CARMIL2: variants seen among roughly 807,000 people sequenced by gnomAD.
CARMIL2 encodes the protein capping protein regulator and myosin 1 linker 2, also known as capping protein, Arp2/3 and myosin-I linker protein 2.
A neutral mutation model predicts 173.3 loss-of-function variants in CARMIL2; 96 were observed. That is an observed-to-expected ratio of 0.55 (90% confidence interval 0.47 to 0.66). CARMIL2 has a LOEUF of 0.66. Among genes scored for constraint, CARMIL2 ranks in the 30% least tolerant of loss-of-function variants. The pLI is 0.00. For missense variants in CARMIL2, 1,771 were observed against 1,906.7 expected, an observed-to-expected ratio of 0.93 and a Z score of 1.33; for synonymous variants, 830 against 817.1, an observed-to-expected ratio of 1.02 and a Z score of -0.27.
At position 67,652,549 on chromosome 16, in the gene CARMIL2, G is replaced by A. The variant is rs376044691; in HGVS notation, c.2884+11G>A. On this transcript the variant is annotated intron_variant, in intron 28 of 37. Transcript: ENST00000334583. The surrounding 1 kb of genome is among the most constrained non-coding windows in gnomAD (Gnocchi z 4.7). The stretch of plus-strand genomic sequence containing the variant: ...TCCCCTTCATTCACAGTAAGTCAGG[G>A]CCTTGGGGGAGGGAGTTTACGTGGG... 2.7e-5 allele frequency: 44 copies of A among 1,612,756 alleles called. No individual in the cohort carries two copies. The African/African-American group carries it at 5.2e-4, about 19-fold the overall frequency.
chr16:67,654,664 A>C lies in CARMIL2; in HGVS notation c.3554A>C (p.Glu1185Ala), dbSNP rs200875393. 1.5e-3 allele frequency: 2,418 copies of C among 1,586,144 alleles called. 9 individuals carry two copies. Among genetic ancestry groups the C allele is most frequent in the South Asian group, 3.7e-3 (323 of 87,264 alleles). Residue 1185 changes from glutamate (E) to alanine (A), a missense_variant, in exon 31 of 38, where the codon GAG (glutamate) becomes GCG (alanine). Glu to Ala is a moderately radical substitution (Grantham distance 107). Transcript: ENST00000334583. The stretch of plus-strand genomic sequence containing the variant: ...ATGATACTGCTGCCTGCCGAGGAGG[A>C]GGCAACGCTGGGTGCCAGACCCGAC... The part of the protein sequence containing the change: ...YSMILLPAEE[E>A]ATLGARPDKR...
Position 67,646,708 on chromosome 16 carries a change from C to T in CARMIL2, c.467-6C>T. 6.2e-7 allele frequency: 1 copy of T among 1,613,926 alleles called. No individual in the cohort carries two copies. The highest frequency in any genetic ancestry group is 8.5e-7 in the Non-Finnish European group (1 of 1,179,806). On this transcript the variant is annotated splice_polypyrimidine_tract_variant and splice_region_variant and intron_variant, in intron 6 of 37. Transcript: ENST00000334583. This position sits in a 1 kb window ranked among gnomAD's most constrained non-coding sequence, Gnocchi z 4.6. The stretch of plus-strand genomic sequence containing the variant: ...TTTCCACATCGCACCCCTATCCCCT[C>T]CCCAGGTGGCTTCTTGGAGACATAC...
chr16:67,649,656 G>T lies in CARMIL2; in HGVS notation c.1919+37G>T, dbSNP rs755055465. The T allele has an allele frequency of 8.9e-6, 14 of 1,565,390 alleles. No individual in the cohort carries two copies. In the South Asian group the frequency reaches 1.5e-4, roughly 17 times the overall value. ...CAGAGGGGTGGGACCAGCGGGCAGG[G>T]GGCGCGGTGGAGAGGAGGGCACCGG... On this transcript the variant is annotated intron_variant, in intron 20 of 37. Coordinates refer to ENST00000334583, the MANE Select transcript of CARMIL2 (RefSeq NM_001013838.3). This position sits in a 1 kb window ranked among gnomAD's most constrained non-coding sequence, Gnocchi z 6.7.
Position 67,645,601 on chromosome 16 carries a change from C to T in CARMIL2, c.102C>T (p.Pro34=), listed in dbSNP as rs572633840. Residue 34 remains proline (P), a synonymous_variant, in exon 2 of 38, where the codon CCC becomes CCT. Coordinates refer to ENST00000334583, the MANE Select transcript of CARMIL2 (RefSeq NM_001013838.3). ...EVELLLKTWL[P]GEGAVQNHVL... is the part of the protein sequence containing the mutation. ...AGCTGCTGCTGAAAACCTGGCTACC[C>T]GGGGAGGGTGCTGTGCAAAACCATG... 4.3e-6 allele frequency: 7 copies of T among 1,613,382 alleles called. No homozygotes were observed. In the South Asian group the frequency reaches 5.5e-5, roughly 13 times the overall value.
In CARMIL2 at chr16:67,652,084, C is replaced by G. The variant is rs1039833309; in HGVS notation, c.2676+76C>G. 3 of 1,602,278 alleles carry G rather than the reference C, an allele frequency of 1.9e-6. No individual in the cohort carries two copies. Among genetic ancestry groups the G allele is most frequent in the Middle Eastern group, 3.3e-4 (2 of 6,026 alleles). Reference sequence around the variant, plus strand: ...CTTGGCCATCTCCCTTGCAGGGGCTCTGTAATGTCTTCTGGGGTCATGTAG... The same window carrying G: ...CTTGGCCATCTCCCTTGCAGGGGCTGTGTAATGTCTTCTGGGGTCATGTAG... On this transcript the variant is annotated intron_variant, in intron 26 of 37. Transcript: ENST00000334583. The surrounding 1 kb of genome is among the most constrained non-coding windows in gnomAD (Gnocchi z 4.7).
chr16:67,656,776 C>T (rs1363843545), intron 35 of CARMIL2, 25 bp from the exon 36 acceptor site: 4 of 1,550,180 alleles, frequency 2.6e-6, no homozygotes, highest in Non-Finnish European at 3.5e-6. Flanking sequence ...TGTTGGAATA[C>T]CCCTGATTCC....
chr16:67,649,270 G>A lies in CARMIL2; in HGVS notation c.1705G>A (p.Val569Ile), dbSNP rs1196976344. ...TGCCCACAGGGAGACCCTGGACGAC[G>A]TCCTGCACCGGATTGTCCAGCTCAT... The part of the protein sequence containing the change: ...NVRCKETLDD[V>I]LHRIVQLMQD... The change falls in exon 19 of 38, where the codon GTC becomes ATC. Residue 569 changes from valine to isoleucine, a missense_variant. Val to Ile is a conservative substitution (Grantham distance 29). Coordinates refer to ENST00000334583, the MANE Select transcript of CARMIL2 (RefSeq NM_001013838.3). This position sits in a 1 kb window ranked among gnomAD's most constrained non-coding sequence, Gnocchi z 6.7. 6.2e-6 allele frequency: 10 copies of A among 1,613,174 alleles called. No individual in the cohort carries two copies. Among genetic ancestry groups the A allele is most frequent in the South Asian group, 1.1e-5 (1 of 91,056 alleles).
rs774008729 is a variant in CARMIL2, at chr16:67,649,776, C to G, written c.1920-30C>G. The G allele has an allele frequency of 2.5e-6, 4 of 1,598,248 alleles. No individual in the cohort carries two copies. The highest frequency in any genetic ancestry group is 1.7e-5 in the Admixed American group (1 of 59,384). On this transcript the variant is annotated intron_variant, in intron 20 of 37. Transcript: ENST00000334583. This position sits in a 1 kb window ranked among gnomAD's most constrained non-coding sequence, Gnocchi z 6.7. ...GGTTGGGTGGGGCGTTGGGAAGCTC[C>G]GTCCCCGACTGAAGCCAGGCCCGGC... is the stretch of plus-strand genomic sequence containing the variant.
In CARMIL2 at chr16:67,651,271, C is replaced by T. The variant is rs1437114526; in HGVS notation, c.2269C>T (p.Arg757Cys). ...TGGGCCCCAGGGTGAAGCCGCTGTGCGCCAGGCCGAGGATGCCATCCAAAA... is the reference window on the plus strand; with the variant it reads ...TGGGCCCCAGGGTGAAGCCGCTGTGTGCCAGGCCGAGGATGCCATCCAAAA... ...GAGPQGEAAV[R>C]QAEDAIQNAN... The change falls in exon 23 of 38, where the codon CGC (arginine) becomes TGC (cysteine). Residue 757 changes from arginine to cysteine, a missense_variant. Physicochemically the swap from Arg to Cys is radical, Grantham distance 180 (BLOSUM62 -3). Coordinates refer to ENST00000334583, the MANE Select transcript of CARMIL2 (RefSeq NM_001013838.3). The surrounding 1 kb of genome is among the most constrained non-coding windows in gnomAD (Gnocchi z 4.2). The T allele has an allele frequency of 1.6e-5, 26 of 1,613,474 alleles. No homozygotes were observed. Among genetic ancestry groups the T allele is most frequent in the East Asian group, 2.2e-5 (1 of 44,898 alleles).
Position 67,651,184 on chromosome 16 carries a change from C to G in CARMIL2, c.2185-3C>G. The G allele has an allele frequency of 6.2e-7, 1 of 1,612,554 alleles. No individual in the cohort carries two copies. The highest frequency in any genetic ancestry group is 8.5e-7 in the Non-Finnish European group (1 of 1,179,436). Reference sequence around the variant, plus strand: ...GCTGAGACTGATCCCCATTTCGCCCCAGGAAGTGAATGAATTGTGTCAGTC... The same window carrying G: ...GCTGAGACTGATCCCCATTTCGCCCGAGGAAGTGAATGAATTGTGTCAGTC... On this transcript the variant is annotated splice_region_variant and splice_polypyrimidine_tract_variant and intron_variant, in intron 22 of 37. Coordinates refer to ENST00000334583, the MANE Select transcript of CARMIL2 (RefSeq NM_001013838.3). The surrounding 1 kb of genome is among the most constrained non-coding windows in gnomAD (Gnocchi z 4.2).
chr16:67,647,499 G>C lies in CARMIL2; in HGVS notation c.777-9G>C. 2 of 1,594,982 alleles carry C rather than the reference G, an allele frequency of 1.3e-6. No homozygotes were observed. Among genetic ancestry groups the C allele is most frequent in the Non-Finnish European group, 1.7e-6 (2 of 1,171,066 alleles). ...GGGCAGAATCTCATGCCTGGGGTCT[G>C]GTCCCCAGAGACTTTGTCCGACGAC... On this transcript the variant is annotated splice_polypyrimidine_tract_variant and intron_variant, in intron 10 of 37. Transcript: ENST00000334583.
At position 67,654,604 on chromosome 16, in the gene CARMIL2, G is replaced by A. The variant is rs1268519513; in HGVS notation, c.3494G>A (p.Arg1165Gln). 1.9e-6 allele frequency: 3 copies of A among 1,605,218 alleles called. No individual in the cohort carries two copies. Among genetic ancestry groups the A allele is most frequent in the Non-Finnish European group, 2.6e-6 (3 of 1,175,394 alleles). The change falls in exon 31 of 38, where the codon CGA becomes CAA. Residue 1165 changes from arginine to glutamine, a missense_variant. Physicochemically the swap from Arg to Gln is conservative, Grantham distance 43 (BLOSUM62 1). Coordinates refer to ENST00000334583, the MANE Select transcript of CARMIL2 (RefSeq NM_001013838.3). Reference sequence around the variant, plus strand: ...AGCCCTGACCCTGCCGGCAGGAGCCGACCTCGCTACACAAGAGATAGCAAG... The same window carrying A: ...AGCCCTGACCCTGCCGGCAGGAGCCAACCTCGCTACACAAGAGATAGCAAG... Reference protein sequence around the residue: ...TSSPDPAGRSRPRYTRDSKAY... With the variant: ...TSSPDPAGRSQPRYTRDSKAY...
Position 67,653,025 on chromosome 16 carries a change from C to A in CARMIL2, c.2891C>A (p.Ala964Asp). ...TCTGGTGCTGTCCCCTCAGGTGCTG[C>A]TGAGGAAGCGGAGCCGGAGCCCGAG... ...LHLVPFIHSA[A>D]EEAEPEPELA... is the part of the protein sequence containing the mutation. Residue 964 changes from alanine (A) to aspartate (D), a missense_variant, in exon 29 of 38, where the codon GCT (alanine) becomes GAT (aspartate). Ala to Asp is a moderately radical substitution (Grantham distance 126). This residue lies in a region of CARMIL2 where 817 missense variants were observed against 903.5 expected (regional missense o/e 0.90). Transcript: ENST00000334583. The surrounding 1 kb of genome is among the most constrained non-coding windows in gnomAD (Gnocchi z 7.4). 2 of 1,269,976 alleles carry A rather than the reference C, an allele frequency of 1.6e-6. No individual in the cohort carries two copies. The highest frequency in any genetic ancestry group is 3.5e-5 in the Admixed American group (1 of 28,228). The allele number at this position is 1,269,976 out of a possible 1,614,324, so 78.7% of individuals were successfully genotyped here. A position where few individuals can be genotyped will look rare whatever the true frequency, so the allele number is the denominator to read the frequency against.
At position 67,651,225 on chromosome 16, in the gene CARMIL2, G is replaced by C; in HGVS notation, c.2223G>C (p.Val741=). ...NELCQSVQEH[V]ELLGCGAGPQ... is the part of the protein sequence containing the mutation. ...TGTGTCAGTCGGTGCAGGAGCATGT[G>C]GAGCTGCTGGGCTGTGGGGCTGGGC... Residue 741 remains valine, a synonymous_variant, in exon 23 of 38, where the codon GTG becomes GTC. Coordinates refer to ENST00000334583, the MANE Select transcript of CARMIL2 (RefSeq NM_001013838.3). This position sits in a 1 kb window ranked among gnomAD's most constrained non-coding sequence, Gnocchi z 4.2. 1 of 1,613,628 alleles carries C rather than the reference G, an allele frequency of 6.2e-7. No homozygotes were observed. The highest frequency in any genetic ancestry group is 1.3e-5 in the African/African-American group (1 of 75,066).
Position 67,654,365 on chromosome 16 carries a change from G to A in CARMIL2, c.3255G>A (p.Gly1085=), listed in dbSNP as rs756858212. The stretch of plus-strand genomic sequence containing the variant: ...CCGAGGAGGACCCGGCCACTGAGGG[G>A]GGCGCCACTCCTGTCCCCCGTACAC... The part of the protein sequence containing the change: ...WAPEEDPATE[G]GATPVPRTLR... Residue 1085 remains glycine (G), a synonymous_variant, in exon 31 of 38, where the codon GGG becomes GGA. Transcript: ENST00000334583. 1.2e-6 allele frequency: 2 copies of A among 1,602,850 alleles called. No individual in the cohort carries two copies. Among genetic ancestry groups the A allele is most frequent in the Admixed American group, 1.7e-5 (1 of 58,574 alleles).
chr16:67,657,456 A>C lies in CARMIL2; in HGVS notation c.4246A>C (p.Ser1416Arg). The C allele has an allele frequency of 6.2e-7, 1 of 1,611,204 alleles. No homozygotes were observed. The highest frequency in any genetic ancestry group is 2.2e-5 in the East Asian group (1 of 44,766). ...GCCCCCACAGCCCACAGAGCCCTCC[A>C]GCCCTGAGCGGAGCCCACCCTCCCC... is the stretch of plus-strand genomic sequence containing the variant. ...PLPPQPTEPS[S>R]PERSPPSPAT... is the part of the protein sequence containing the mutation. The change falls in exon 38 of 38, where the codon AGC (serine) becomes CGC (arginine). Residue 1416 changes from serine (S) to arginine (R), a missense_variant. Around this residue, in one of 3 missense-constraint regions of CARMIL2, gnomAD observed 817 missense variants for 903.5 expected, o/e 0.90. Transcript: ENST00000334583. The surrounding 1 kb of genome is among the most constrained non-coding windows in gnomAD (Gnocchi z 4.5).
intron 22 of CARMIL2, 78 bp downstream of exon 22, chr16:67,650,228 G>A (rs923510693): frequency 1.8e-5 from 23 of 1,247,500 alleles, no homozygotes; most frequent in African/African-American, 3.0e-5. Flanking sequence ...TGAGTCAGAG[G>A]GTCTGACTTT....
In CARMIL2 at chr16:67,654,876, G is replaced by C; in HGVS notation, c.3681G>C (p.Gly1227=). Residue 1227 remains glycine (G), a synonymous_variant, in exon 32 of 38, where the codon GGG becomes GGC. Coordinates refer to ENST00000334583, the MANE Select transcript of CARMIL2 (RefSeq NM_001013838.3). ...LQRIGVSRGS[G]GAEGKRKQSK... ...GGATAGGCGTCAGCCGAGGCAGCGGGGGTGCCGAAGGCAAGAGGAAGCAAG... is the reference window on the plus strand; with the variant it reads ...GGATAGGCGTCAGCCGAGGCAGCGGCGGTGCCGAAGGCAAGAGGAAGCAAG... The C allele has an allele frequency of 1.9e-6, 3 of 1,613,742 alleles. No homozygotes were observed. The highest frequency in any genetic ancestry group is 2.5e-6 in the Non-Finnish European group (3 of 1,179,888).
chr16:67,657,436 C>G lies in CARMIL2; in HGVS notation c.4226C>G (p.Pro1409Arg), dbSNP rs779617633. 43 of 1,609,702 alleles carry G rather than the reference C, an allele frequency of 2.7e-5. 1 individual carries two copies. In the Middle Eastern group the frequency reaches 1.2e-3, roughly 43 times the overall value. ...GSGLGTEPLPPQPTEPSSPER... is the reference protein window; with the variant it reads ...GSGLGTEPLPRQPTEPSSPER... ...GGCCTTGGAACCGAGCCTCTGCCCCCACAGCCCACAGAGCCCTCCAGCCCT... is the reference window on the plus strand; with the variant it reads ...GGCCTTGGAACCGAGCCTCTGCCCCGACAGCCCACAGAGCCCTCCAGCCCT... The change falls in exon 38 of 38, where the codon CCA becomes CGA. Residue 1409 changes from proline (P) to arginine (R), a missense_variant. By Grantham distance (103) the Pro-to-Arg change is moderately radical. Coordinates refer to ENST00000334583, the MANE Select transcript of CARMIL2 (RefSeq NM_001013838.3). This position sits in a 1 kb window ranked among gnomAD's most constrained non-coding sequence, Gnocchi z 4.5.
Sources: gnomAD v4.1 joint callset for allele counts on GRCh38, gnomAD v4.1.1 for gene constraint, gnomAD v4.1.1 regional missense constraint, Gnocchi (gnomAD v3.1) non-coding constraint, MANE v1.5 for transcripts, NCBI Gene and HGNC (gene_info 2026-07-23, HGNC 2026-07-21) for gene names.